Variants in GFOD1 observed in about 807,000 individuals in gnomAD.
GFOD1 encodes glucose-fructose oxidoreductase domain-containing protein 1.
GFOD1 carries 9 observed loss-of-function variants against 25.4 expected under a neutral mutation model. The observed-to-expected ratio is 0.35, with a 90% CI of 0.21 to 0.62. The LOEUF (loss-of-function observed/expected upper bound fraction) is 0.62. GFOD1 is among the 20% of genes least tolerant of loss of function. The pLI, the probability that GFOD1 is intolerant of heterozygous loss-of-function variation, is 0.72. For synonymous variants in GFOD1, 253 were observed against 245.6 expected (o/e 1.03, Z -0.28); for missense variants, 403 against 556.9 (o/e 0.72, Z 2.78).
chr6:13,434,539 C>T (rs1219129797), intron 1 of GFOD1, among the ~76,000 whole-genome samples: 4 of 152,170 alleles, frequency 2.6e-5, no homozygotes, highest in Non-Finnish European at 5.9e-5. Context: ...AAGTGCAGGG[C>T]ATTATGGGAA....
At chr6:13,417,431 G>A (rs899133732) in intron 1 of GFOD1, among the ~76,000 whole-genome samples, 1 of 152,224 alleles carries the variant, frequency 6.6e-6, no homozygotes, top group Non-Finnish European at 1.5e-5. Flanking sequence ...GGGATTACAG[G>A]CTGGGGACTT....
Position 13,364,829 on chromosome 6 carries a change from C to T in GFOD1, c.1087G>A (p.Ala363Thr). 1.2e-6 allele frequency: 2 copies of T among 1,614,064 alleles called. No individual in the cohort carries two copies. Among genetic ancestry groups the T allele is most frequent in the Non-Finnish European group, 1.7e-6 (2 of 1,180,036 alleles). The part of the protein sequence containing the change: ...SSQTGEWQNI[A>T]IMTEEPELSP... ...AGCTCCGGCTCCTCGGTCATGATGG[C>T]AATGTTCTGCCACTCGCCCGTCTGG... The change falls in exon 2 of 2, where the codon GCC (alanine) becomes ACC (threonine). Residue 363 changes from alanine (A) to threonine (T), a missense_variant. Physicochemically the swap from Ala to Thr is moderately conservative, Grantham distance 58. Transcript: ENST00000379287. The surrounding 1 kb of genome is among the most constrained non-coding windows in gnomAD (Gnocchi z 4.1).
Position 13,360,923 on chromosome 6 carries a change from G to A in GFOD1, c.*3820C>T, listed in dbSNP as rs1427266941. On this transcript the variant is annotated 3_prime_UTR_variant, in exon 2 of 2. Transcript: ENST00000379287. ...GGAGGAGAAGATTAAGGATTTGAAT[G>A]ACCTCATTTCTGCCTAACAGTTGTG... is the stretch of plus-strand genomic sequence containing the variant. The A allele has an allele frequency of 1.1e-5, 5 of 450,030 alleles. No individual in the cohort carries two copies. The highest frequency in any genetic ancestry group is 4.7e-5 in the Admixed American group (2 of 42,176). The allele number at this position is 450,030 out of a possible 1,614,324, so 27.9% of individuals were successfully genotyped here.
Position 13,364,243 on chromosome 6 carries a change from C to A in GFOD1, c.*500G>T. On this transcript the variant is annotated 3_prime_UTR_variant, in exon 2 of 2. Transcript: ENST00000379287. The surrounding 1 kb of genome is among the most constrained non-coding windows in gnomAD (Gnocchi z 4.1). ...CTGGAATTTGAACTTTCTCACCAGC[C>A]CATCCCACCCCCAACCCCAGCCTAA... 1 of 157,966 alleles carries A rather than the reference C, an allele frequency of 6.3e-6. No individual in the cohort carries two copies. The allele number at this position is 157,966 out of a possible 1,614,324, so 9.8% of individuals were successfully genotyped here. A position where few individuals can be genotyped will look rare whatever the true frequency, so the allele number is the denominator to read the frequency against.
chr6:13,404,961 C>T (rs576029853), intron 1 of GFOD1, among the ~76,000 whole-genome samples: 2 of 152,304 alleles, frequency 1.3e-5, no homozygotes, highest in South Asian at 4.1e-4. Context: ...GGGCACCTCT[C>T]TCCCCAGTGC....
At chr6:13,383,168 C>T (rs559100324) in intron 1 of GFOD1, among the ~76,000 whole-genome samples, 18 of 152,250 alleles carry the variant, frequency 1.2e-4, no homozygotes, top group African/African-American at 4.1e-4. Context: ...GATTTATATT[C>T]CTTTGTAATC....
chr6:13,478,773 T>C (rs934888841), intron 1 of GFOD1, among the ~76,000 whole-genome samples: 1 of 152,138 alleles, frequency 6.6e-6, no homozygotes, highest in Non-Finnish European at 1.5e-5. Flanking sequence ...AGGATGCTGG[T>C]GTAGAGAGGG....
At chr6:13,374,269 T>TGTGTGTG (rs1388428104) in intron 1 of GFOD1, among the ~76,000 whole-genome samples, 20,895 of 120,494 alleles carry the variant, frequency 0.17, 2,144 homozygotes, top group Admixed American at 0.3. Flanking sequence ...AATATGTTTT[T>TGTGTGTG]TTTTTGTGTG....
intron 1 of GFOD1, among the ~76,000 whole-genome samples, chr6:13,376,239 G>A (rs1412093296): frequency 6.6e-6 from 1 of 152,192 alleles, no homozygotes; most frequent in Non-Finnish European, 1.5e-5. Context: ...GAGAACAGAG[G>A]TTTGGAGTTG....
At chr6:13,409,592 G>C (rs1786033746) in intron 1 of GFOD1, among the ~76,000 whole-genome samples, 1 of 152,126 alleles carries the variant, frequency 6.6e-6, no homozygotes, top group African/African-American at 2.4e-5. Context: ...ATTTAATAAA[G>C]AGGATTCCAC....
chr6:13,436,406 C>G (rs2127571214), intron 1 of GFOD1, among the ~76,000 whole-genome samples: 1 of 152,310 alleles, frequency 6.6e-6, no homozygotes, highest in East Asian at 1.9e-4. Flanking sequence ...CCTAGAATAT[C>G]TATCTTTTAA....
At chr6:13,462,229 A>G (rs2127575613) in intron 1 of GFOD1, among the ~76,000 whole-genome samples, 1 of 152,352 alleles carries the variant, frequency 6.6e-6, no homozygotes, top group African/African-American at 2.4e-5. Context: ...CTATTTTTTA[A>G]AATGCCCCTC....
rs573320431 is a variant in GFOD1 at position 13,419,272 on chromosome 6, G to A, written c.254-53610C>T. On this transcript the variant is annotated intron_variant, in intron 1 of 1. Coordinates refer to ENST00000379287, the MANE Select transcript of GFOD1 (RefSeq NM_018988.4). ...TCTGGAGATCAAGATTCCAAAGAGG[G>A]AACAGACTATTTTTAAAGTTTCTAC... 2.6e-5 allele frequency among the ~76,000 whole-genome samples: 4 copies of A among 152,300 alleles called. No individual in the cohort carries two copies. The East Asian group carries it at 7.7e-4, about 29-fold the overall frequency.
intron 1 of GFOD1, among the ~76,000 whole-genome samples, chr6:13,418,707 A>G (rs1027499918): frequency 6.6e-6 from 1 of 152,296 alleles, no homozygotes; most frequent in Middle Eastern, 3.4e-3. Context: ...GCTGGCACAC[A>G]TCTTAGAAAT....
In GFOD1 at chr6:13,440,494, A is replaced by G. The variant is rs1757898024; in HGVS notation, c.253+46144T>C. 3.3e-5 allele frequency among the ~76,000 whole-genome samples: 5 copies of G among 152,160 alleles called. No individual in the cohort carries two copies. In the South Asian group the frequency reaches 1.0e-3, roughly 31 times the overall value. Reference sequence around the variant, plus strand: ...GCATGAGCCACCGTGTGTGGCCAACATGAATTCTTTATTTGTGAACCATGT... The same window carrying G: ...GCATGAGCCACCGTGTGTGGCCAACGTGAATTCTTTATTTGTGAACCATGT... On this transcript the variant is annotated intron_variant, in intron 1 of 1. Transcript: ENST00000379287.
chr6:13,486,945 G>T lies in GFOD1; in HGVS notation c.-55C>A. 6.4e-7 allele frequency: 1 copy of T among 1,572,946 alleles called. No individual in the cohort carries two copies. The highest frequency in any genetic ancestry group is 8.6e-7 in the Non-Finnish European group (1 of 1,165,042). On this transcript the variant is annotated 5_prime_UTR_variant, in exon 1 of 2. Coordinates refer to ENST00000379287, the MANE Select transcript of GFOD1 (RefSeq NM_018988.4). ...TGCTCGGATCTCCAGTCCAACGCGC[G>T]CACACACCCACCTCTAGCCAGTCCT...
At position 13,361,765 on chromosome 6, in the gene GFOD1, C is replaced by G. The variant is rs1009987344; in HGVS notation, c.*2978G>C. 6.6e-6 allele frequency: 1 copy of G among 152,156 alleles called. No homozygotes were observed. Among genetic ancestry groups the G allele is most frequent in the Non-Finnish European group, 1.5e-5 (1 of 68,030 alleles). 9.4% of individuals were successfully genotyped at this position (152,156 alleles called of 1,614,324 possible). On this transcript the variant is annotated 3_prime_UTR_variant, in exon 2 of 2. Coordinates refer to ENST00000379287, the MANE Select transcript of GFOD1 (RefSeq NM_018988.4). ...TGTTCCTTCACCTACCTACTACATG[C>G]ATTTCAGTAGATAAAATTTGAGTAC... is the stretch of plus-strand genomic sequence containing the variant.
intron 1 of GFOD1, among the ~76,000 whole-genome samples, chr6:13,467,137 A>G (rs1758392381): frequency 6.6e-6 from 1 of 152,210 alleles, no homozygotes; most frequent in Non-Finnish European, 1.5e-5. Context: ...CAATAGCAGA[A>G]GCCAAGTGAA....
At chr6:13,387,663 A>G (rs991068215) in intron 1 of GFOD1, among the ~76,000 whole-genome samples, 1 of 152,250 alleles carries the variant, frequency 6.6e-6, no homozygotes, top group Non-Finnish European at 1.5e-5. Flanking sequence ...CCAATATCAT[A>G]CTGAATGGGC....
Sources: allele counts gnomAD v4.1 joint callset (sites outside exome capture counted in the v4.1 genomes callset), GRCh38; gene constraint gnomAD v4.1.1; non-coding constraint Gnocchi (gnomAD v3.1); transcripts MANE v1.5; gene names NCBI Gene and HGNC (gene_info 2026-07-23, HGNC 2026-07-21).